TNN: variants seen among roughly 807,000 people sequenced by gnomAD.
TNN encodes tenascin-N.
Under a neutral mutation model 134.4 loss-of-function variants are expected in TNN, and 122 were observed. The ratio of observed to expected loss-of-function variants is 0.91; its 90% CI spans 0.78 to 1.06. TNN has a LOEUF of 1.06. Ranked by LOEUF, TNN falls within the 50% of genes least tolerant of loss-of-function variation. The pLI is 0.00. For missense variants in TNN, 1,739 were observed against 1,699.4 expected, an observed-to-expected ratio of 1.02 and a Z score of -0.41; for synonymous variants, 710 against 670.3, an observed-to-expected ratio of 1.06 and a Z score of -0.91.
chr1:175,079,705 A>G lies in TNN; in HGVS notation c.782A>G (p.Gln261Arg). 1.9e-6 allele frequency: 3 copies of G among 1,589,730 alleles called. No individual in the cohort carries two copies. Among genetic ancestry groups the G allele is most frequent in the Non-Finnish European group, 2.6e-6 (3 of 1,165,268 alleles). Residue 261 changes from glutamine to arginine, a missense_variant and splice_region_variant, in exon 3 of 19, where the codon CAG (glutamine) becomes CGG (arginine). By Grantham distance (43) the Gln-to-Arg change is conservative. Transcript: ENST00000239462. ...GGCTTCACAGGCCTGGACTGTGCCCAGGGTGAGAGCGGAGATGTGCCCTCG... is the reference window on the plus strand; with the variant it reads ...GGCTTCACAGGCCTGGACTGTGCCCGGGGTGAGAGCGGAGATGTGCCCTCG... ...EEGFTGLDCAQVVTPQGLQLL... is the reference protein window; with the variant it reads ...EEGFTGLDCARVVTPQGLQLL...
At chr1:175,134,494 A>G (rs911092156) in intron 15 of TNN, among the ~76,000 whole-genome samples, 45 of 151,588 alleles carry the variant, frequency 3.0e-4, no homozygotes, top group African/African-American at 1.1e-3. Flanking sequence ...GCAGTAAGCC[A>G]AGATCACACC....
At chr1:175,098,293 G>A (rs2149433015) in intron 8 of TNN, 39 bp from the exon 9 acceptor site, 2 of 1,613,632 alleles carry the variant, frequency 1.2e-6, no homozygotes, top group Non-Finnish European at 1.7e-6. Flanking sequence ...GTCTTCCATG[G>A]CTTCAGAGCT....
intron 16 of TNN, 128 bp from the exon 17 acceptor site, chr1:175,136,693 G>C (rs904678385): frequency 1.1e-5 from 9 of 807,092 alleles, no homozygotes; most frequent in African/African-American, 1.0e-4. Flanking sequence ...TGCTGAGACT[G>C]CCCCTTATTA....
At chr1:175,095,074 C>T (rs1294087343) in intron 7 of TNN, among the ~76,000 whole-genome samples, 1 of 152,194 alleles carries the variant, frequency 6.6e-6, no homozygotes, top group East Asian at 1.9e-4. Flanking sequence ...AGTTACTTTA[C>T]TTCCGTTCCT....
In TNN at chr1:175,079,573, G is replaced by T; in HGVS notation, c.650G>T (p.Cys217Phe). Residue 217 changes from cysteine to phenylalanine, a missense_variant, in exon 3 of 19, where the codon TGC becomes TTC. Physicochemically the swap from Cys to Phe is radical, Grantham distance 205. Coordinates refer to ENST00000239462, the MANE Select transcript of TNN (RefSeq NM_022093.2). The part of the protein sequence containing the change: ...SGHGECVRGV[C>F]QCHEDFMSED... Reference sequence around the variant, plus strand: ...CACGGCGAGTGCGTGCGCGGCGTGTGCCAGTGCCACGAAGACTTCATGTCG... The same window carrying T: ...CACGGCGAGTGCGTGCGCGGCGTGTTCCAGTGCCACGAAGACTTCATGTCG... 2 of 1,585,450 alleles carry T rather than the reference G, an allele frequency of 1.3e-6. No homozygotes were observed. The highest frequency in any genetic ancestry group is 4.6e-5 in the East Asian group (2 of 43,062).
Position 175,129,389 on chromosome 1 carries a change from C to T in TNN, c.3330+643C>T, listed in dbSNP as rs538305803. On this transcript the variant is annotated intron_variant, in intron 15 of 18. Transcript: ENST00000239462. ...GCCCAGCAAGTCCCAGCCTCATTGTCTTAGCACTCACTCAAGATGGCTCTG... is the reference window on the plus strand; with the variant it reads ...GCCCAGCAAGTCCCAGCCTCATTGTTTTAGCACTCACTCAAGATGGCTCTG... Among the ~76,000 whole-genome samples, 7 of 152,078 alleles carry T rather than the reference C, an allele frequency of 4.6e-5. No individual in the cohort carries two copies. In the South Asian group the frequency reaches 1.5e-3, roughly 32 times the overall value.
rs756164677 is a variant in TNN, at chr1:175,118,596, G to A, written c.2422G>A (p.Val808Met). 6.2e-7 allele frequency: 1 copy of A among 1,614,120 alleles called. No homozygotes were observed. The highest frequency in any genetic ancestry group is 2.2e-5 in the East Asian group (1 of 44,874). ...DSPQNLVTDW[V>M]TENTATVSWD... is the part of the protein sequence containing the mutation. ...CCCCCAAAACCTGGTCACTGACTGG[G>A]TGACAGAGAATACAGCCACTGTCTC... Residue 808 changes from valine (V) to methionine (M), a missense_variant, in exon 11 of 19, where the codon GTG (valine) becomes ATG (methionine). Transcript: ENST00000239462.
chr1:175,094,433 A>T (rs1310201682), intron 7 of TNN, among the ~76,000 whole-genome samples, 180 bp downstream of exon 7: 1 of 152,224 alleles, frequency 6.6e-6, no homozygotes, highest in Non-Finnish European at 1.5e-5. Flanking sequence ...ACATCAAACA[A>T]AAGAGATCAG....
intron 15 of TNN, 48 bp downstream of exon 15, chr1:175,128,794 C>T: frequency 2.6e-6 from 4 of 1,556,436 alleles, no homozygotes; most frequent in Non-Finnish European, 3.5e-6. Context: ...CCTTCCTTCT[C>T]AGCCCAGGAT....
intron 18 of TNN, among the ~76,000 whole-genome samples, 155 bp downstream of exon 18, chr1:175,144,705 G>GTGGCCTCCCTTCCTGATGGCCA: frequency 6.6e-6 from 1 of 152,314 alleles, no homozygotes; most frequent in South Asian, 2.1e-4. Flanking sequence ...CCTTGAGGTC[G>GTGGCCTCCCTTCCTGATGGCCA]TGGCCTCCCT....
At chr1:175,146,744 A>AG (rs1271266602) in intron 18 of TNN, among the ~76,000 whole-genome samples, 187 bp from the exon 19 acceptor site, 1 of 151,802 alleles carries the variant, frequency 6.6e-6, no homozygotes, top group Admixed American at 6.6e-5. Flanking sequence ...TGCCCAGCAG[A>AG]GGGCGCGTGT....
intron 6 of TNN, among the ~76,000 whole-genome samples, chr1:175,091,559 T>TATTTTTATTTATTTA (rs1558353471): frequency 4.9e-5 from 7 of 141,688 alleles, no homozygotes; most frequent in Non-Finnish European, 9.3e-5. Flanking sequence ...TATTTATTAT[T>TATTTTTATTTATTTA]TTTATTTATT....
chr1:175,126,979 G>C lies in TNN; in HGVS notation c.2939G>C (p.Arg980Pro). 1.9e-6 allele frequency: 3 copies of C among 1,613,654 alleles called. No individual in the cohort carries two copies. Among genetic ancestry groups the C allele is most frequent in the Non-Finnish European group, 2.5e-6 (3 of 1,179,858 alleles). ...QTELDPPRNL[R>P]PSAVTQSGGI... The stretch of plus-strand genomic sequence containing the variant: ...GAACTCGACCCTCCCAGAAACCTTC[G>C]TCCATCTGCTGTAACGCAGTCTGGT... The change falls in exon 13 of 19, where the codon CGT becomes CCT. Residue 980 changes from arginine to proline, a missense_variant. Coordinates refer to ENST00000239462, the MANE Select transcript of TNN (RefSeq NM_022093.2).
Position 175,085,494 on chromosome 1 carries a change from G to A in TNN, c.1324G>A (p.Glu442Lys), listed in dbSNP as rs1469016840. The A allele has an allele frequency of 1.3e-5, 21 of 1,604,952 alleles. No homozygotes were observed. The highest frequency in any genetic ancestry group is 1.7e-5 in the Non-Finnish European group (20 of 1,172,660). ...GCCGATCCTCCTGAATGGCAGGACA[G>A]GTGAGAGCTACTTGGAGGCACTATG... ...GKPILLNGRTEIDSPTNVVTD... is the reference protein window; with the variant it reads ...GKPILLNGRTKIDSPTNVVTD... Residue 442 changes from glutamate to lysine, a missense_variant and splice_region_variant, in exon 6 of 19, where the codon GAA becomes AAA. Coordinates refer to ENST00000239462, the MANE Select transcript of TNN (RefSeq NM_022093.2).
At chr1:175,114,640 G>C (rs1248271911) in intron 9 of TNN, among the ~76,000 whole-genome samples, 1 of 152,158 alleles carries the variant, frequency 6.6e-6, no homozygotes, top group African/African-American at 2.4e-5. Flanking sequence ...CTGGATATAG[G>C]ATGCCTATAG....
At chr1:175,081,518 T>C (rs969909815) in intron 4 of TNN, among the ~76,000 whole-genome samples, 1 of 152,186 alleles carries the variant, frequency 6.6e-6, no homozygotes, top group African/African-American at 2.4e-5. Context: ...GCAGTTGTCT[T>C]TGCAGAGACA....
At chr1:175,144,350 AC>A in intron 17 of TNN, 36 bp from the exon 18 acceptor site, 1 of 1,603,086 alleles carries the variant, frequency 6.2e-7, no homozygotes, top group Non-Finnish European at 8.5e-7. Flanking sequence ...TCGGTGGCTA[AC>A]CCTGGGCTCT....
chr1:175,085,499 G>C lies in TNN; in HGVS notation c.1324+5G>C. ...TCCTCCTGAATGGCAGGACAGGTGA[G>C]AGCTACTTGGAGGCACTATGGGCAT... On this transcript the variant is annotated splice_donor_5th_base_variant and intron_variant, in intron 6 of 18. Coordinates refer to ENST00000239462, the MANE Select transcript of TNN (RefSeq NM_022093.2). 1 of 1,588,164 alleles carries C rather than the reference G, an allele frequency of 6.3e-7. No homozygotes were observed. Among genetic ancestry groups the C allele is most frequent in the Non-Finnish European group, 8.6e-7 (1 of 1,157,708 alleles).
intron 6 of TNN, among the ~76,000 whole-genome samples, chr1:175,092,832 T>C (rs907176593): frequency 9.2e-5 from 14 of 152,170 alleles, no homozygotes; most frequent in African/African-American, 2.9e-4. Flanking sequence ...TTGTATCCCA[T>C]GTTGAATCCA....
Sources: gnomAD v4.1 joint callset for allele counts (sites outside exome capture counted in the v4.1 genomes callset) on GRCh38, gnomAD v4.1.1 for gene constraint, MANE v1.5 for transcripts, NCBI Gene and HGNC (gene_info 2026-07-23, HGNC 2026-07-21) for gene names.